LOC128125814: variants seen among roughly 807,000 people sequenced by gnomAD.
chr12:57,518,232 C>A, the LOC128125814 span, among the ~76,000 whole-genome samples: 2 of 146,334 alleles, frequency 1.4e-5, no homozygotes, highest in Non-Finnish European at 2.9e-5. Flanking sequence ...GCCTGACTTT[C>A]TTTATTTTTA....
chr12:57,519,736 A>G, the LOC128125814 span, among the ~76,000 whole-genome samples: 2 of 152,248 alleles, frequency 1.3e-5, no homozygotes, highest in South Asian at 4.1e-4. Flanking sequence ...ACCGGGTTAA[A>G]GAGGCAGGGA....
At chr12:57,519,565 A>C in the LOC128125814 span, among the ~76,000 whole-genome samples, 1 of 152,200 alleles carries the variant, frequency 6.6e-6, no homozygotes, top group Non-Finnish European at 1.5e-5. Context: ...TATTGCCCGA[A>C]GTATTTCTCT....
chr12:57,518,946 C>T, the LOC128125814 span, among the ~76,000 whole-genome samples: 6 of 152,202 alleles, frequency 3.9e-5, no homozygotes, highest in African/African-American at 9.6e-5. Flanking sequence ...AGGTGTGAGC[C>T]ACCATGCCCG....
the LOC128125814 span, among the ~76,000 whole-genome samples, chr12:57,518,676 T>G: frequency 4.6e-5 from 7 of 152,222 alleles, no homozygotes; most frequent in Admixed American, 3.9e-4. Context: ...TTCCTTTTTT[T>G]CTGAGACGGG....
chr12:57,519,365 T>A, the LOC128125814 span: 3 of 377,284 alleles, frequency 8.0e-6, no homozygotes, highest in Admixed American at 1.0e-4. Flanking sequence ...TTGTTTACTG[T>A]AGGCCTCCCA....
the LOC128125814 span, chr12:57,519,250 A>G: frequency 1.9e-6 from 1 of 530,332 alleles, no homozygotes; most frequent in Non-Finnish European, 3.9e-6. Flanking sequence ...TGAGTGGAGG[A>G]ATTACCTAAG....
At chr12:57,518,618 C>G in the LOC128125814 span, among the ~76,000 whole-genome samples, 3 of 152,168 alleles carry the variant, frequency 2.0e-5, no homozygotes, top group South Asian at 6.2e-4. Context: ...TCCTTCATTC[C>G]TCTTCTCTCA....
At chr12:57,519,498 T>C in the LOC128125814 span, among the ~76,000 whole-genome samples, 2 of 152,206 alleles carry the variant, frequency 1.3e-5, no homozygotes, top group African/African-American at 2.4e-5. Context: ...GTCTCTCTTA[T>C]AGGGAAGGGG....
At chr12:57,517,890 G>C in the LOC128125814 span, 3 of 409,232 alleles carry the variant, frequency 7.3e-6, no homozygotes, top group Middle Eastern at 6.3e-4. Flanking sequence ...GCAGTGGTGC[G>C]ATCTCGGCTC....
At chr12:57,519,721 A>G in the LOC128125814 span, among the ~76,000 whole-genome samples, 5 of 152,314 alleles carry the variant, frequency 3.3e-5, no homozygotes, top group East Asian at 7.7e-4. Flanking sequence ...TAGCTGGGAG[A>G]CAGGACCGGG....
the LOC128125814 span, chr12:57,517,880 G>A: frequency 7.2e-6 from 3 of 413,988 alleles, no homozygotes; most frequent in South Asian, 1.8e-4. Flanking sequence ...AGGCTGAAGT[G>A]CAGTGGTGCG....
chr12:57,518,608 T>C, the LOC128125814 span, among the ~76,000 whole-genome samples: 5 of 152,218 alleles, frequency 3.3e-5, no homozygotes, highest in Non-Finnish European at 7.3e-5. Flanking sequence ...CTTGGTATCA[T>C]CCTTCATTCC....
chr12:57,519,386 T>A, the LOC128125814 span: 1 of 367,396 alleles, frequency 2.7e-6, no homozygotes, highest in Non-Finnish European at 5.4e-6. Context: ...CTGAGATGAT[T>A]TTTTCCTCTT....
the LOC128125814 span, among the ~76,000 whole-genome samples, chr12:57,518,363 A>C: frequency 6.6e-6 from 1 of 152,218 alleles, no homozygotes; most frequent in African/African-American, 2.4e-5. Flanking sequence ...GGAAGGGAAC[A>C]AATCATAGCA....
At chr12:57,518,054 T>C in the LOC128125814 span, among the ~76,000 whole-genome samples, 1 of 152,122 alleles carries the variant, frequency 6.6e-6, no homozygotes, top group African/African-American at 2.4e-5. Flanking sequence ...CTCCATCTCT[T>C]AACCTTGTGA....
At chr12:57,520,379 A>G in the LOC128125814 span, 1 of 398,560 alleles carries the variant, frequency 2.5e-6, no homozygotes, top group East Asian at 3.6e-5. Context: ...AACTTTGAGG[A>G]GACGGGAGGG....
chr12:57,517,814 CTTTTTCTT>C, the LOC128125814 span: 1 of 424,524 alleles, frequency 2.4e-6, no homozygotes, highest in African/African-American at 2.1e-5. Flanking sequence ...ACTTACTTTT[CTTTTTCTT>C]TTTTTCTTTC....
At chr12:57,520,209 C>T in the LOC128125814 span, among the ~76,000 whole-genome samples, 1 of 152,190 alleles carries the variant, frequency 6.6e-6, no homozygotes, top group African/African-American at 2.4e-5. Context: ...GAGCAGGGCC[C>T]GTGTTCCGGC....
At chr12:57,519,693 C>T in the LOC128125814 span, among the ~76,000 whole-genome samples, 28 of 152,336 alleles carry the variant, frequency 1.8e-4, no homozygotes, top group South Asian at 2.1e-4. Context: ...TGGCCTGATG[C>T]AATGGTTACA....
Sources: allele counts gnomAD v4.1 joint callset (sites outside exome capture counted in the v4.1 genomes callset), GRCh38; gene constraint gnomAD v4.1.1; transcripts MANE v1.5.